CDC123: variants seen among roughly 807,000 people sequenced by gnomAD.
CDC123 encodes the protein translation initiation factor eIF2 assembly protein.
CDC123 carries 37 observed loss-of-function variants against 54.4 expected under a neutral mutation model. That is an observed-to-expected ratio of 0.68 (90% CI 0.52 to 0.89). The LOEUF is 0.89. Among genes scored for constraint, CDC123 ranks in the 40% least tolerant of loss-of-function variants. CDC123 has a pLI of 0.00. For synonymous variants in CDC123, 144 were observed against 136.8 expected, an observed-to-expected ratio of 1.05 and a Z score of -0.37; for missense variants, 361 against 412.1, an observed-to-expected ratio of 0.88 and a Z score of 1.07.
chr10:12,241,315 T>C (rs1366748475), intron 10 of CDC123, among the ~76,000 whole-genome samples: 4 of 152,230 alleles, frequency 2.6e-5, no homozygotes, highest in Non-Finnish European at 5.9e-5. Context: ...TTGTCATTAG[T>C]CTTTTCCTGT....
chr10:12,249,485 G>T, intron 11 of CDC123, 96 bp from the exon 12 acceptor site: 1 of 1,219,958 alleles, frequency 8.2e-7, no homozygotes, highest in Non-Finnish European at 1.2e-6. Context: ...AGGAAAACAT[G>T]GAGTTGAAAT....
chr10:12,224,694 T>C (rs1835781789), intron 6 of CDC123, among the ~76,000 whole-genome samples: 1 of 152,254 alleles, frequency 6.6e-6, no homozygotes, highest in Non-Finnish European at 1.5e-5. Flanking sequence ...TGGTACTTTG[T>C]TGAAAATTTC....
chr10:12,237,063 C>T (rs927265801), intron 8 of CDC123, 81 bp from the exon 9 acceptor site: 1 of 1,405,022 alleles, frequency 7.1e-7, no homozygotes, highest in African/African-American at 1.5e-5. Flanking sequence ...ATGGTTCTTT[C>T]CACAAAATGT....
intron 2 of CDC123, among the ~76,000 whole-genome samples, chr10:12,201,592 G>A (rs1235033094): frequency 6.6e-6 from 1 of 151,832 alleles, no homozygotes. Flanking sequence ...CTAGAGTATG[G>A]GGAGTGAGAG....
At chr10:12,210,133 AC>A in intron 3 of CDC123, 109 bp downstream of exon 3, 2 of 1,450,560 alleles carry the variant, frequency 1.4e-6, no homozygotes, top group Admixed American at 3.9e-5. Context: ...ATGAGAAATT[AC>A]GTGAGAATCT....
intron 1 of CDC123, 44 bp downstream of exon 1, chr10:12,196,363 C>G (rs1368256027): frequency 1.4e-5 from 23 of 1,612,760 alleles, no homozygotes; most frequent in Non-Finnish European, 1.7e-5. Flanking sequence ...CAAAAGGGAA[C>G]TGCGACTTCT....
At chr10:12,213,315 A>G (rs1835626852) in intron 4 of CDC123, among the ~76,000 whole-genome samples, 1 of 152,234 alleles carries the variant, frequency 6.6e-6, no homozygotes, top group Admixed American at 6.5e-5. Flanking sequence ...GATACGATGC[A>G]TGGGAAGGAC....
intron 3 of CDC123, 74 bp downstream of exon 3, chr10:12,210,098 T>G: frequency 6.5e-7 from 1 of 1,530,298 alleles, no homozygotes; most frequent in South Asian, 1.1e-5. Context: ...TTCTGACTTG[T>G]AGATCTTATC....
intron 7 of CDC123, among the ~76,000 whole-genome samples, chr10:12,233,495 A>G (rs1835932193): frequency 6.6e-6 from 1 of 152,204 alleles, no homozygotes; most frequent in African/African-American, 2.4e-5. Context: ...TTACATGCAC[A>G]AAATAGTATT....
At chr10:12,247,580 T>G (rs1836171185) in intron 11 of CDC123, 2 of 152,400 alleles carry the variant, frequency 1.3e-5, no homozygotes, top group African/African-American at 4.8e-5. Context: ...TTTGCAATTC[T>G]TCCTCTCTAT....
At chr10:12,240,586 G>T (rs1040479210) in intron 10 of CDC123, among the ~76,000 whole-genome samples, 38 of 152,172 alleles carry the variant, frequency 2.5e-4, no homozygotes, top group African/African-American at 8.7e-4. Context: ...TAGAAAGAGG[G>T]GCTTTAGGCC....
chr10:12,236,281 C>T (rs1835975502), intron 8 of CDC123, among the ~76,000 whole-genome samples: 1 of 152,152 alleles, frequency 6.6e-6, no homozygotes, highest in Non-Finnish European at 1.5e-5. Context: ...CTTTGAATTC[C>T]TTCCATTTTA....
At chr10:12,235,258 C>A in intron 8 of CDC123, 135 bp downstream of exon 8, 1 of 691,304 alleles carries the variant, frequency 1.4e-6, no homozygotes, top group Non-Finnish European at 2.5e-6. Context: ...CACCTCTAAC[C>A]AGTTGATACT....
intron 2 of CDC123, 81 bp from the exon 3 acceptor site, chr10:12,209,886 C>A: frequency 7.4e-7 from 1 of 1,353,614 alleles, no homozygotes; most frequent in Non-Finnish European, 1.1e-6. Context: ...TATTTAAAAA[C>A]ATATACTCAG....
At chr10:12,248,188 T>C (rs1836184686) in intron 11 of CDC123, among the ~76,000 whole-genome samples, 1 of 152,220 alleles carries the variant, frequency 6.6e-6, no homozygotes, top group African/African-American at 2.4e-5. Context: ...CACAGTGTTC[T>C]CTTGTGAGCA....
intron 2 of CDC123, among the ~76,000 whole-genome samples, chr10:12,200,262 G>C (rs984551900): frequency 6.6e-6 from 1 of 151,234 alleles, no homozygotes; most frequent in Non-Finnish European, 1.5e-5. Flanking sequence ...AACTAGCTGG[G>C]ACAACAGGTG....
At chr10:12,220,538 C>T (rs990601471) in intron 6 of CDC123, among the ~76,000 whole-genome samples, 7 of 152,256 alleles carry the variant, frequency 4.6e-5, no homozygotes, top group East Asian at 1.9e-4. Flanking sequence ...GCGCTACTAA[C>T]GTGTCACTTT....
intron 2 of CDC123, among the ~76,000 whole-genome samples, chr10:12,208,186 T>C (rs763828820): frequency 6.6e-6 from 1 of 152,236 alleles, no homozygotes; most frequent in African/African-American, 2.4e-5. Context: ...CTTTCTTTAG[T>C]CTTTGCATAG....
intron 9 of CDC123, 178 bp downstream of exon 9, chr10:12,237,444 A>ATTTTTTTTTTTTTTTTTTT (rs1564257509): frequency 4.4e-6 from 2 of 456,034 alleles, no homozygotes; most frequent in African/African-American, 4.1e-5. Context: ...TATTATTATT[A>ATTTTTTTTTTTTTTTTTTT]TTTTTATTTG....
Sources: gnomAD v4.1 joint callset for allele counts (sites outside exome capture counted in the v4.1 genomes callset) on GRCh38, gnomAD v4.1.1 for gene constraint, MANE v1.5 for transcripts, NCBI Gene and HGNC (gene_info 2026-07-23, HGNC 2026-07-21) for gene names.